Variants in TULP3 observed in about 807,000 individuals in gnomAD.
TULP3 encodes tubby-related protein 3.
A neutral mutation model predicts 50.7 loss-of-function variants in TULP3; 38 were observed. The observed-to-expected ratio is 0.75, with a 90% CI of 0.58 to 0.98. The LOEUF (loss-of-function observed/expected upper bound fraction) is 0.98. TULP3 is among the 50% of genes least tolerant of loss of function. TULP3 has a pLI of 0.00. For synonymous variants in TULP3, 183 were observed against 196.6 expected, an observed-to-expected ratio of 0.93 and a Z score of 0.58; for missense variants, 550 against 568.0, an observed-to-expected ratio of 0.97 and a Z score of 0.32.
intron 1 of TULP3, 72 bp from the exon 2 acceptor site, chr12:2,909,457 A>G (rs2098184179): frequency 1.4e-6 from 2 of 1,436,852 alleles, no homozygotes; most frequent in Non-Finnish European, 1.9e-6. Context: ...AAAAGAGTAC[A>G]TACATAAAAA....
At chr12:2,899,397 C>T (rs12820194) in intron 1 of TULP3, among the ~76,000 whole-genome samples, 71,250 of 149,012 alleles carry the variant, frequency 0.48, 17,432 homozygotes, top group African/African-American at 0.6. Flanking sequence ...AAAGGCAGTA[C>T]AAAAACTGAC....
At chr12:2,903,350 G>A (rs2098180303) in intron 1 of TULP3, among the ~76,000 whole-genome samples, 1 of 151,680 alleles carries the variant, frequency 6.6e-6, no homozygotes, top group Admixed American at 6.6e-5. Context: ...ATCACCTGAG[G>A]TCGGGAGTTC....
chr12:2,904,139 G>C (rs577891053), intron 1 of TULP3, among the ~76,000 whole-genome samples: 2 of 152,164 alleles, frequency 1.3e-5, no homozygotes, highest in South Asian at 4.1e-4. Flanking sequence ...AATTAATATA[G>C]AATCAGTACT....
intron 1 of TULP3, among the ~76,000 whole-genome samples, chr12:2,908,120 T>C (rs1269089503): frequency 6.6e-6 from 1 of 152,188 alleles, no homozygotes; most frequent in African/African-American, 2.4e-5. Flanking sequence ...GTAAGATGCA[T>C]AGAACCTTCT....
At chr12:2,904,612 A>G (rs2098181145) in intron 1 of TULP3, among the ~76,000 whole-genome samples, 1 of 152,156 alleles carries the variant, frequency 6.6e-6, no homozygotes, top group Admixed American at 6.5e-5. Flanking sequence ...TGTTTCTTCA[A>G]GATGTGTGTT....
At position 2,922,204 on chromosome 12, in the gene TULP3, C is replaced by T. The variant is rs2098192187; in HGVS notation, c.254-58C>T. 3.2e-6 allele frequency: 5 copies of T among 1,567,856 alleles called. No homozygotes were observed. The South Asian group carries it at 4.8e-5, about 15-fold the overall frequency. The stretch of plus-strand genomic sequence containing the variant: ...TTCTGATCACATATGCCAAATCTAC[C>T]CAACTAGTGAATAATACTTTGCTCC... On this transcript the variant is annotated intron_variant, in intron 3 of 10. Coordinates refer to ENST00000448120, the MANE Select transcript of TULP3 (RefSeq NM_003324.5).
chr12:2,926,445 A>T (rs921145756), intron 4 of TULP3, among the ~76,000 whole-genome samples: 1 of 152,244 alleles, frequency 6.6e-6, no homozygotes, highest in East Asian at 1.9e-4. Flanking sequence ...TGATTTGGCC[A>T]CTGCACTCCC....
intron 9 of TULP3, among the ~76,000 whole-genome samples, 163 bp downstream of exon 9, chr12:2,937,892 A>G (rs2098202384): frequency 6.6e-6 from 1 of 152,106 alleles, no homozygotes; most frequent in African/African-American, 2.4e-5. Flanking sequence ...AAACCTCAGG[A>G]TAAGAGCAGT....
rs768215785 is a variant in TULP3 at position 2,909,509 on chromosome 12, A to G, written c.42-20A>G. The G allele has an allele frequency of 7.1e-7, 1 of 1,409,226 alleles. No homozygotes were observed. The allele number at this position is 1,409,226 out of a possible 1,614,324, so 87.3% of individuals were successfully genotyped here. A position where few individuals can be genotyped will look rare whatever the true frequency, so the allele number is the denominator to read the frequency against. On this transcript the variant is annotated intron_variant, in intron 1 of 10. Coordinates refer to ENST00000448120, the MANE Select transcript of TULP3 (RefSeq NM_003324.5). ...CGTTTTCTTTTTATATACTTGCTTT[A>G]TTTTTTTTTTTTTTAACAGTGTCTT...
chr12:2,891,488 C>G (rs888893009), intron 1 of TULP3, among the ~76,000 whole-genome samples: 3 of 152,190 alleles, frequency 2.0e-5, no homozygotes, highest in Non-Finnish European at 4.4e-5. Flanking sequence ...TCTTTTTCCT[C>G]TCTGCTTTCC....
Position 2,920,838 on chromosome 12 carries a change from C to A in TULP3, c.169C>A (p.Leu57Ile). ...FMVQPNPEAR[L>I]RRAKPRASDE... Reference sequence around the variant, plus strand: ...GGTGCAGCCCAATCCAGAAGCCAGGCTACGTCGGGCAAAGCCAAGGGCCAG... The same window carrying A: ...GGTGCAGCCCAATCCAGAAGCCAGGATACGTCGGGCAAAGCCAAGGGCCAG... The change falls in exon 3 of 11, where the codon CTA (leucine) becomes ATA (isoleucine). Residue 57 changes from leucine to isoleucine, a missense_variant. Transcript: ENST00000448120. 2 of 1,614,118 alleles carry A rather than the reference C, an allele frequency of 1.2e-6. No individual in the cohort carries two copies. Among genetic ancestry groups the A allele is most frequent in the Non-Finnish European group, 1.7e-6 (2 of 1,180,032 alleles).
intron 1 of TULP3, 136 bp downstream of exon 1, chr12:2,891,124 G>A (rs911365996): frequency 2.9e-6 from 3 of 1,027,866 alleles, no homozygotes; most frequent in African/African-American, 3.4e-5. Flanking sequence ...ACTGGTTTCG[G>A]CGGCGGGAGG....
At chr12:2,923,817 C>CA (rs766470051) in intron 4 of TULP3, among the ~76,000 whole-genome samples, 5,252 of 135,018 alleles carry the variant, frequency 0.039, 129 homozygotes, top group Non-Finnish European at 0.055. Flanking sequence ...ACAAAAAATG[C>CA]AAAAAAAAAA....
Position 2,940,073 on chromosome 12 carries a change from AT to A in TULP3, c.*630del. ...AAGAGTGGCTGTGATCACATTTGTGATCAATTATGTGAGAATTTTATATAAT... is the reference window on the plus strand; with the variant it reads ...AAGAGTGGCTGTGATCACATTTGTGACAATTATGTGAGAATTTTATATAAT... On this transcript the variant is annotated 3_prime_UTR_variant, in exon 11 of 11. Coordinates refer to ENST00000448120, the MANE Select transcript of TULP3 (RefSeq NM_003324.5). 1 of 1,289,410 alleles carries A rather than the reference AT, an allele frequency of 7.8e-7. No homozygotes were observed. Among genetic ancestry groups the A allele is most frequent in the South Asian group, 1.2e-5 (1 of 81,024 alleles). The allele number at this position is 1,289,410 out of a possible 1,614,324, so 79.9% of individuals were successfully genotyped here.
At chr12:2,932,231 G>A (rs932441353) in intron 6 of TULP3, among the ~76,000 whole-genome samples, 5 of 152,198 alleles carry the variant, frequency 3.3e-5, no homozygotes, top group African/African-American at 1.2e-4. Flanking sequence ...CTTTCCTGAT[G>A]TGCTTCACCA....
chr12:2,899,369 G>A (rs921812642), intron 1 of TULP3, among the ~76,000 whole-genome samples: 15 of 136,264 alleles, frequency 1.1e-4, no homozygotes, highest in South Asian at 2.4e-4. Context: ...AAAAAACAGC[G>A]AAATTCATTC....
At chr12:2,912,071 G>A (rs915726972) in intron 2 of TULP3, among the ~76,000 whole-genome samples, 1 of 152,128 alleles carries the variant, frequency 6.6e-6, no homozygotes, top group African/African-American at 2.4e-5. Flanking sequence ...ACAAATGCAA[G>A]CTGAGCTTTC....
rs4766006 is a variant in TULP3 at position 2,918,570 on chromosome 12, T to A, written c.94-2193T>A. On this transcript the variant is annotated intron_variant, in intron 2 of 10. Transcript: ENST00000448120. ...TACTTTTTTTTTTGAAATGGAGTTT[T>A]GCTGTTGTTGCACAGGCTGGAGTGC... Among the ~76,000 whole-genome samples the A allele has an allele frequency of 7.7e-3, 1,164 of 151,998 alleles. 17 individuals carry two copies. The highest frequency in any genetic ancestry group is 0.027 in the African/African-American group (1,101 of 41,454).
chr12:2,923,139 G>A (rs61918241), intron 4 of TULP3, among the ~76,000 whole-genome samples: 7 of 152,058 alleles, frequency 4.6e-5, no homozygotes, highest in South Asian at 2.1e-4. Context: ...GATTATAGGC[G>A]TGAGCCACCA....
Sources: allele counts gnomAD v4.1 joint callset (sites outside exome capture counted in the v4.1 genomes callset), GRCh38; gene constraint gnomAD v4.1.1; transcripts MANE v1.5; gene names NCBI Gene and HGNC (gene_info 2026-07-23, HGNC 2026-07-21).